The following AFAP1 variants were observed in gnomAD, a reference collection of about 807,000 sequenced individuals.
AFAP1 encodes actin filament associated protein 1, also known as actin filament-associated protein 1.
AFAP1 carries 75 observed loss-of-function variants against 93.9 expected under a neutral mutation model. The observed-to-expected ratio is 0.80, with a 90% CI of 0.66 to 0.97. AFAP1 has a LOEUF of 0.97. Ranked by LOEUF, AFAP1 falls within the 50% of genes least tolerant of loss-of-function variation. AFAP1 has a pLI of 0.00. For synonymous variants in AFAP1, 517 were observed against 430.7 expected, an observed-to-expected ratio of 1.20 and a Z score of -2.48; for missense variants, 1,201 against 1,050.8, an observed-to-expected ratio of 1.14 and a Z score of -1.98.
chr4:7,781,548 T>C lies in AFAP1; in HGVS notation c.1610A>G (p.Tyr537Cys). 6.4e-7 allele frequency: 1 copy of C among 1,552,048 alleles called. No individual in the cohort carries two copies. Among genetic ancestry groups the C allele is most frequent in the Non-Finnish European group, 8.7e-7 (1 of 1,147,076 alleles). ...GATGTGCGGAGGCGGCAAGTTATCG[T>C]ACAGGCCTGCGTTATCATAAAGCAC... ...EEVLYDNAGL[Y>C]DNLPPPHIFA... Residue 537 changes from tyrosine (Y) to cysteine (C), a missense_variant, in exon 13 of 18, where the codon TAC becomes TGC. Coordinates refer to ENST00000420658, the MANE Select transcript of AFAP1 (RefSeq NM_001134647.2).
intron 6 of AFAP1, among the ~76,000 whole-genome samples, chr4:7,833,179 T>C (rs1314295370): frequency 6.6e-6 from 1 of 152,178 alleles, no homozygotes; most frequent in African/African-American, 2.4e-5. Flanking sequence ...AAGGAGCTTT[T>C]TCATGGCAAA....
Position 7,861,736 on chromosome 4 carries a change from C to T in AFAP1, c.226-6162G>A, listed in dbSNP as rs999341516. ...ATAAAGCGAATTGAAAACAAAGATG[C>T]CACTGGGATTATACATGAGCCAAAA... On this transcript the variant is annotated intron_variant, in intron 3 of 17. Transcript: ENST00000420658. Among the ~76,000 whole-genome samples, 3 of 152,206 alleles carry T rather than the reference C, an allele frequency of 2.0e-5. No homozygotes were observed. In the East Asian group the frequency reaches 5.8e-4, roughly 29 times the overall value.
At chr4:7,804,617 C>T (rs556953256) in intron 9 of AFAP1, among the ~76,000 whole-genome samples, 4 of 152,266 alleles carry the variant, frequency 2.6e-5, no homozygotes, top group South Asian at 2.1e-4. Context: ...GGGTGGCTCT[C>T]GAATTCCGGC....
At chr4:7,825,790 C>T (rs1164297715) in intron 6 of AFAP1, among the ~76,000 whole-genome samples, 1 of 150,948 alleles carries the variant, frequency 6.6e-6, no homozygotes, top group Non-Finnish European at 1.5e-5. Flanking sequence ...TTAACATAGC[C>T]CAGAAAGATA....
Position 7,843,367 on chromosome 4 carries a change from T to C in AFAP1, c.335-17A>G, listed in dbSNP as rs1486991080. 6.3e-7 allele frequency: 1 copy of C among 1,598,234 alleles called. No individual in the cohort carries two copies. ...AATCATAATCTGTAAAAAATAAACA[T>C]ACACTGGTAAAAAGGACTTCTTTAC... On this transcript the variant is annotated splice_polypyrimidine_tract_variant and intron_variant, in intron 4 of 17. Coordinates refer to ENST00000420658, the MANE Select transcript of AFAP1 (RefSeq NM_001134647.2).
At position 7,868,725 on chromosome 4, in the gene AFAP1, A is replaced by C; in HGVS notation, c.128-6T>G. 1 of 1,612,550 alleles carries C rather than the reference A, an allele frequency of 6.2e-7. No homozygotes were observed. The highest frequency in any genetic ancestry group is 2.2e-5 in the East Asian group (1 of 44,874). ...ATGGTCCTTCACATCAAAACCTGTA[A>C]GAATTAACCAGAACCACAGAACTGG... is the stretch of plus-strand genomic sequence containing the variant. On this transcript the variant is annotated splice_region_variant and splice_polypyrimidine_tract_variant and intron_variant, in intron 2 of 17. Transcript: ENST00000420658.
intron 1 of AFAP1, among the ~76,000 whole-genome samples, chr4:7,916,566 T>C (rs895521287): frequency 3.3e-5 from 5 of 152,148 alleles, no homozygotes; most frequent in African/African-American, 1.2e-4. Flanking sequence ...GATAGCTGAT[T>C]ATACGTGAAG....
At chr4:7,769,260 G>A (rs1043423309) in intron 16 of AFAP1, among the ~76,000 whole-genome samples, 17 of 152,276 alleles carry the variant, frequency 1.1e-4, no homozygotes, top group African/African-American at 3.4e-4. Context: ...GCTGTGCCTG[G>A]GAAGCAGTGA....
At chr4:7,843,697 A>G (rs1577283297) in intron 4 of AFAP1, 1 of 222,566 alleles carries the variant, frequency 4.5e-6, no homozygotes, top group East Asian at 1.2e-4. Flanking sequence ...GTTCCGCCAT[A>G]CAGAACTCTT....
intron 1 of AFAP1, among the ~76,000 whole-genome samples, chr4:7,875,697 G>C (rs1717456627): frequency 6.6e-6 from 1 of 151,964 alleles, no homozygotes; most frequent in East Asian, 1.9e-4. Flanking sequence ...GAAAATGAAT[G>C]ACAAATGAAT....
At chr4:7,887,220 G>A (rs1047708663) in intron 1 of AFAP1, among the ~76,000 whole-genome samples, 12 of 152,072 alleles carry the variant, frequency 7.9e-5, no homozygotes, top group Non-Finnish European at 1.6e-4. Context: ...AAGAGGAAAT[G>A]CAAATTTACA....
At chr4:7,934,776 C>T (rs1389043189) in intron 1 of AFAP1, among the ~76,000 whole-genome samples, 1 of 152,208 alleles carries the variant, frequency 6.6e-6, no homozygotes, top group Non-Finnish European at 1.5e-5. Context: ...TGACCTCTGA[C>T]TGCCCTTTAG....
At position 7,809,667 on chromosome 4, in the gene AFAP1, T is replaced by A; in HGVS notation, c.1001A>T (p.Lys334Met). 1 of 1,614,034 alleles carries A rather than the reference T, an allele frequency of 6.2e-7. No individual in the cohort carries two copies. Among genetic ancestry groups the A allele is most frequent in the African/African-American group, 1.3e-5 (1 of 75,038 alleles). Reference sequence around the variant, plus strand: ...GGAGGTCTGCTCGTCTGTGGACGGCTTTTTCTTTCCCAGACTGATGATCTT... The same window carrying A: ...GGAGGTCTGCTCGTCTGTGGACGGCATTTTCTTTCCCAGACTGATGATCTT... ...ITKIISLGKK[K>M]PSTDEQTSSA... The change falls in exon 9 of 18, where the codon AAG becomes ATG. Residue 334 changes from lysine (K) to methionine (M), a missense_variant. Physicochemically the swap from Lys to Met is moderately conservative, Grantham distance 95. Coordinates refer to ENST00000420658, the MANE Select transcript of AFAP1 (RefSeq NM_001134647.2).
intron 6 of AFAP1, among the ~76,000 whole-genome samples, chr4:7,831,145 TC>T (rs1711558109): frequency 6.6e-6 from 1 of 152,164 alleles, no homozygotes; most frequent in African/African-American, 2.4e-5. Context: ...AATGACAGTA[TC>T]TGGAAGAAAC....
intron 17 of AFAP1, among the ~76,000 whole-genome samples, chr4:7,766,208 G>T (rs1377686754): frequency 6.6e-6 from 1 of 152,158 alleles, no homozygotes; most frequent in Non-Finnish European, 1.5e-5. Flanking sequence ...GGGGAGGATG[G>T]GTAGCTGGGT....
chr4:7,759,775 G>GTT lies in AFAP1; in HGVS notation c.*3988_*3989dup, dbSNP rs1353837565. On this transcript the variant is annotated 3_prime_UTR_variant, in exon 18 of 18. Coordinates refer to ENST00000420658, the MANE Select transcript of AFAP1 (RefSeq NM_001134647.2). ...CAGTGCTGTGTTCCCAGAAGAGGCT[G>GTT]TTTCAAGGATGGACATCCACCTGAA... 1 of 152,320 alleles carries GTT rather than the reference G, an allele frequency of 6.6e-6. No individual in the cohort carries two copies. Among genetic ancestry groups the GTT allele is most frequent in the Admixed American group, 6.5e-5 (1 of 15,294 alleles). 9.4% of individuals were successfully genotyped at this position (152,320 alleles called of 1,614,324 possible).
intron 1 of AFAP1, among the ~76,000 whole-genome samples, chr4:7,906,005 A>G (rs1462475389): frequency 1.3e-5 from 2 of 152,212 alleles, no homozygotes; most frequent in Non-Finnish European, 2.9e-5. Context: ...TGAAATGCCC[A>G]TGCATGTGGG....
chr4:7,872,444 T>G, intron 1 of AFAP1: 1 of 184,180 alleles, frequency 5.4e-6, no homozygotes, highest in Non-Finnish European at 1.1e-5. Flanking sequence ...CCAAAGAGTT[T>G]TCTAATAACC....
rs538465685 is a variant in AFAP1 at position 7,801,410 on chromosome 4, C to G, written c.1055-757G>C. On this transcript the variant is annotated intron_variant, in intron 9 of 17. Coordinates refer to ENST00000420658, the MANE Select transcript of AFAP1 (RefSeq NM_001134647.2). ...CACAGATAGAGGAGTGGTAGAATGA[C>G]AGGAAAAATTATTATCCTCATTTAA... 4.0e-5 allele frequency among the ~76,000 whole-genome samples: 6 copies of G among 151,670 alleles called. No homozygotes were observed. In the South Asian group the frequency reaches 1.2e-3, roughly 32 times the overall value.
Sources: gnomAD v4.1 joint callset for allele counts (sites outside exome capture counted in the v4.1 genomes callset) on GRCh38, gnomAD v4.1.1 for gene constraint, MANE v1.5 for transcripts, NCBI Gene and HGNC (gene_info 2026-07-23, HGNC 2026-07-21) for gene names.